Variants in PCDH15 observed in about 807,000 individuals in gnomAD.
PCDH15 encodes the protein protocadherin related 15.
Under a neutral mutation model 178.5 loss-of-function variants are expected in PCDH15, and 129 were observed. The observed-to-expected ratio is 0.72, with a 90% confidence interval of 0.63 to 0.84. The LOEUF is 0.84. Among genes scored for constraint, PCDH15 ranks in the 40% least tolerant of loss-of-function variants. The pLI, the probability that PCDH15 is intolerant of heterozygous loss-of-function variation, is 0.00. For synonymous variants in PCDH15, 800 were observed against 732.0 expected, an observed-to-expected ratio of 1.09 and a Z score of -1.50; for missense variants, 2,230 against 2,099.9, an observed-to-expected ratio of 1.06 and a Z score of -1.21.
chr10:54,774,232 G>T (rs1272595515), intron 1 of PCDH15, among the ~76,000 whole-genome samples: 2 of 151,752 alleles, frequency 1.3e-5, no homozygotes, highest in Non-Finnish European at 2.9e-5. Context: ...GTTTCACCGT[G>T]TTAGCCAGGA....
intron 1 of PCDH15, among the ~76,000 whole-genome samples, chr10:54,767,429 A>ATGAGCTCT (rs1948640155): frequency 6.6e-6 from 1 of 152,162 alleles, no homozygotes; most frequent in Admixed American, 6.5e-5. Flanking sequence ...CCCATTTAGA[A>ATGAGCTCT]GAATTCCAAT....
At chr10:54,655,600 T>C (rs1590867172) in intron 2 of PCDH15, 1 of 152,116 alleles carries the variant, frequency 6.6e-6, no homozygotes, top group South Asian at 2.1e-4. Flanking sequence ...AGTCTATTAC[T>C]GGAATACGGA....
intron 2 of PCDH15, among the ~76,000 whole-genome samples, chr10:55,514,987 A>ATTTTTTT (rs35469059): frequency 8.3e-6 from 1 of 120,270 alleles, no homozygotes; most frequent in African/African-American, 3.1e-5. Flanking sequence ...AGATAGATAG[A>ATTTTTTT]TTTTTTTTTT....
intron 2 of PCDH15, among the ~76,000 whole-genome samples, chr10:54,554,862 T>G (rs2133243997): frequency 6.6e-6 from 1 of 152,282 alleles, no homozygotes; most frequent in African/African-American, 2.4e-5. Flanking sequence ...AAAAACAGAA[T>G]AAGCCTCTGA....
chr10:54,304,250 G>A (rs1002909544), intron 8 of PCDH15, among the ~76,000 whole-genome samples: 8 of 151,998 alleles, frequency 5.3e-5, no homozygotes, highest in Non-Finnish European at 8.8e-5. Flanking sequence ...CAAGGAAATC[G>A]CACTGAAAAC....
At chr10:54,724,879 C>T (rs1366104209) in intron 1 of PCDH15, among the ~76,000 whole-genome samples, 2 of 146,064 alleles carry the variant, frequency 1.4e-5, no homozygotes, top group African/African-American at 5.1e-5. Flanking sequence ...TTCTACTCTA[C>T]CCATTAGCCA....
In PCDH15 at chr10:54,103,043, A is replaced by C. The variant is rs571558384; in HGVS notation, c.1918-12980T>G. Among the ~76,000 whole-genome samples, 25 of 152,200 alleles carry C rather than the reference A, an allele frequency of 1.6e-4. No individual in the cohort carries two copies. In the South Asian group the frequency reaches 4.6e-3, roughly 28 times the overall value. On this transcript the variant is annotated intron_variant, in intron 15 of 37. Coordinates refer to ENST00000644397, the MANE Select transcript of PCDH15 (RefSeq NM_001384140.1). The stretch of plus-strand genomic sequence containing the variant: ...GGATGGAAGAAAGATTAACAGCATA[A>C]ATTGGTGGGTAGTGTAATGGGATTC...
intron 28 of PCDH15, among the ~76,000 whole-genome samples, chr10:53,855,111 T>A (rs1339475521): frequency 6.6e-6 from 1 of 152,048 alleles, no homozygotes; most frequent in Non-Finnish European, 1.5e-5. Context: ...ATAAAATGTA[T>A]CAAGTGTCTA....
At chr10:55,289,714 A>G (rs150966029) in intron 1 of PCDH15, among the ~76,000 whole-genome samples, 10 of 152,170 alleles carry the variant, frequency 6.6e-5, no homozygotes, top group Non-Finnish European at 1.3e-4. Flanking sequence ...CTATGGTTTG[A>G]ATGTATCCCC....
At chr10:54,436,311 C>T (rs1185420911) in intron 3 of PCDH15, among the ~76,000 whole-genome samples, 4 of 151,174 alleles carry the variant, frequency 2.6e-5, no homozygotes, top group African/African-American at 9.7e-5. Flanking sequence ...AGTAAAGTTA[C>T]CCTGGCTTAT....
At chr10:55,376,526 A>G (rs777806854) in intron 2 of PCDH15, among the ~76,000 whole-genome samples, 13 of 152,072 alleles carry the variant, frequency 8.5e-5, no homozygotes, top group Non-Finnish European at 1.3e-4. Flanking sequence ...CAGTATCTGA[A>G]TCATGTTCTG....
intron 5 of PCDH15, among the ~76,000 whole-genome samples, chr10:54,368,374 A>G (rs1048343987): frequency 1.3e-5 from 2 of 152,008 alleles, no homozygotes; most frequent in Non-Finnish European, 2.9e-5. Flanking sequence ...GTACTATCAC[A>G]TTAATGTCAT....
chr10:55,257,003 C>G (rs1206043314), intron 1 of PCDH15, among the ~76,000 whole-genome samples: 1 of 152,144 alleles, frequency 6.6e-6, no homozygotes, highest in Admixed American at 6.5e-5. Context: ...CCTCACACTG[C>G]CAGGTACTCC....
chr10:54,975,769 G>T (rs1373074638), intron 2 of PCDH15, among the ~76,000 whole-genome samples: 3 of 152,082 alleles, frequency 2.0e-5, no homozygotes, highest in South Asian at 4.1e-4. Flanking sequence ...GTTTAGTATG[G>T]CCGGGAAAAC....
intron 1 of PCDH15, among the ~76,000 whole-genome samples, chr10:55,235,369 A>G (rs1050676286): frequency 2.0e-5 from 3 of 152,152 alleles, no homozygotes; most frequent in African/African-American, 4.8e-5. Flanking sequence ...ACCCTAAAAA[A>G]TATGGAATTA....
chr10:54,178,732 A>C (rs1008581488), intron 13 of PCDH15, among the ~76,000 whole-genome samples: 4 of 151,730 alleles, frequency 2.6e-5, no homozygotes, highest in Non-Finnish European at 5.9e-5. Flanking sequence ...CAAGAAAAAA[A>C]CAACCCCATC....
chr10:54,547,212 A>G (rs1437753527), intron 2 of PCDH15, among the ~76,000 whole-genome samples: 1 of 152,168 alleles, frequency 6.6e-6, no homozygotes, highest in Non-Finnish European at 1.5e-5. Flanking sequence ...AAATAGATGA[A>G]GTTTAATATG....
chr10:54,680,486 A>G (rs1286820898), intron 1 of PCDH15, among the ~76,000 whole-genome samples: 1 of 152,142 alleles, frequency 6.6e-6, no homozygotes, highest in Non-Finnish European at 1.5e-5. Flanking sequence ...AGAAGAAATA[A>G]TACAAATATA....
chr10:54,189,442 A>T, intron 11 of PCDH15: 6 of 1,288,530 alleles, frequency 4.7e-6, no homozygotes, highest in Non-Finnish European at 6.2e-6. Flanking sequence ...ACAACCGCAC[A>T]TATGAAGAAA....
Sources: gnomAD v4.1 joint callset for allele counts (sites outside exome capture counted in the v4.1 genomes callset) on GRCh38, gnomAD v4.1.1 for gene constraint, MANE v1.5 for transcripts, NCBI Gene and HGNC (gene_info 2026-07-23, HGNC 2026-07-21) for gene names.